Variants in CRACD observed in about 807,000 individuals in gnomAD.
CRACD encodes the protein capping protein inhibiting regulator of actin dynamics.
A neutral mutation model predicts 106.8 loss-of-function variants in CRACD; 56 were observed. The observed-to-expected ratio is 0.52, with a 90% CI of 0.42 to 0.66. The LOEUF (loss-of-function observed/expected upper bound fraction) is 0.66, where lower values mean the gene tolerates loss of function less well. Ranked by LOEUF, CRACD falls within the 30% of genes least tolerant of loss-of-function variation. The pLI, the probability that CRACD is intolerant of heterozygous loss-of-function variation, is 0.00. For missense variants in CRACD, 1,730 were observed against 1,623.2 expected (o/e 1.07, Z -1.13); for synonymous variants, 754 against 670.8 (o/e 1.12, Z -1.92).
At chr4:56,284,019 C>T (rs1039145417) in intron 3 of CRACD, among the ~76,000 whole-genome samples, 2 of 152,156 alleles carry the variant, frequency 1.3e-5, no homozygotes, top group African/African-American at 4.8e-5. Flanking sequence ...CTGCAGTGAC[C>T]TCCTGGAAAA....
At chr4:56,085,823 A>G (rs190850789) in intron 1 of CRACD, among the ~76,000 whole-genome samples, 122 of 152,298 alleles carry the variant, frequency 8.0e-4, no homozygotes, top group Admixed American at 3.1e-3. Flanking sequence ...ACTCTGATCA[A>G]TGTTCTGAGG....
intron 1 of CRACD, among the ~76,000 whole-genome samples, chr4:56,055,898 G>A (rs902026831): frequency 2.0e-5 from 3 of 152,186 alleles, no homozygotes; most frequent in Non-Finnish European, 4.4e-5. Context: ...CAGTGTGGGA[G>A]CAGCAGCATG....
At chr4:56,174,319 C>T (rs1736495511) in intron 1 of CRACD, among the ~76,000 whole-genome samples, 2 of 152,146 alleles carry the variant, frequency 1.3e-5, no homozygotes, top group Non-Finnish European at 2.9e-5. Flanking sequence ...AAATCCTGTC[C>T]TCCAGCTATT....
At chr4:56,183,814 G>A (rs1736962427) in intron 2 of CRACD, among the ~76,000 whole-genome samples, 1 of 152,130 alleles carries the variant, frequency 6.6e-6, no homozygotes, top group African/African-American at 2.4e-5. Flanking sequence ...AAAGGGGAAG[G>A]TGTCATGTGA....
chr4:56,180,454 A>G (rs960591565), intron 2 of CRACD, among the ~76,000 whole-genome samples: 2 of 151,964 alleles, frequency 1.3e-5, no homozygotes, highest in African/African-American at 2.4e-5. Flanking sequence ...TCACTGCTGC[A>G]CTCCAGCCTG....
chr4:56,239,032 C>G (rs1484628722), intron 2 of CRACD, among the ~76,000 whole-genome samples: 1 of 152,132 alleles, frequency 6.6e-6, no homozygotes, highest in African/African-American at 2.4e-5. Flanking sequence ...ATGGCTCATG[C>G]CTATAATCCC....
chr4:56,265,403 G>GTGTGTGT (rs1741951358), intron 2 of CRACD, among the ~76,000 whole-genome samples: 5 of 77,354 alleles, frequency 6.5e-5, no homozygotes, highest in African/African-American at 4.2e-5. Context: ...ATAGAGGAGG[G>GTGTGTGT]GTGTGTGTGT....
At chr4:56,063,882 A>G (rs896866156) in intron 1 of CRACD, among the ~76,000 whole-genome samples, 5 of 152,154 alleles carry the variant, frequency 3.3e-5, no homozygotes, top group Non-Finnish European at 7.3e-5. Flanking sequence ...TGCTGGATCA[A>G]ATTGTAATTT....
intron 2 of CRACD, among the ~76,000 whole-genome samples, 194 bp from the exon 3 acceptor site, chr4:56,272,127 C>T (rs541721128): frequency 1.3e-5 from 2 of 152,340 alleles, no homozygotes; most frequent in East Asian, 1.9e-4. Context: ...GGCTCGTGCT[C>T]TGCCTCCCTG....
At chr4:56,265,403 G>GGT (rs111811548) in intron 2 of CRACD, among the ~76,000 whole-genome samples, 168 of 77,434 alleles carry the variant, frequency 2.2e-3, no homozygotes, top group Middle Eastern at 0.019. Flanking sequence ...ATAGAGGAGG[G>GGT]GTGTGTGTGT....
At chr4:56,160,243 C>T (rs574843514) in intron 1 of CRACD, among the ~76,000 whole-genome samples, 345 of 147,900 alleles carry the variant, frequency 2.3e-3, no homozygotes, top group Non-Finnish European at 2.8e-3. Context: ...AGTGCAGTGG[C>T]GCGATCTCCA....
rs566707296 is a variant in CRACD, at chr4:56,305,879, A to T, written c.121-1656A>T. Among the ~76,000 whole-genome samples the T allele has an allele frequency of 9.8e-5, 15 of 152,364 alleles. 1 individual carries two copies. The highest frequency in any genetic ancestry group is 9.8e-4 in the Admixed American group (15 of 15,300). ...ACCGCTGAGTTCAAAGGGAGAGAAG[A>T]CATTTCCCTCAAGGGATTCTTGCGC... On this transcript the variant is annotated intron_variant, in intron 4 of 10. Transcript: ENST00000682029.
At chr4:56,326,638 G>A (rs184370463) in intron 10 of CRACD, among the ~76,000 whole-genome samples, 13 of 152,216 alleles carry the variant, frequency 8.5e-5, no homozygotes, top group African/African-American at 2.4e-4. Context: ...AAAGTGATAC[G>A]GTGCAAAGAA....
intron 2 of CRACD, among the ~76,000 whole-genome samples, chr4:56,195,461 G>T (rs1334760663): frequency 2.6e-5 from 4 of 152,088 alleles, no homozygotes; most frequent in African/African-American, 7.2e-5. Context: ...TGACATGAAG[G>T]TATTAAGACA....
rs1335744111 is a variant in CRACD at position 56,314,465 on chromosome 4, G to C, written c.963G>C (p.Arg321Ser). Residue 321 changes from arginine (R) to serine (S), a missense_variant, in exon 8 of 11, where the codon AGG becomes AGC. Arg to Ser is a moderately radical substitution (Grantham distance 110). Around this residue, in one of 5 missense-constraint regions of CRACD, gnomAD observed 1,620 missense variants for 1,481.6 expected, o/e 1.09. Transcript: ENST00000682029. This position sits in a 1 kb window ranked among gnomAD's most constrained non-coding sequence, Gnocchi z 4.4. ...GCCTGGAGGCGGAGGAGGAGCGAAG[G>C]CGTCTGCAGGCCCAGGCCCAAGCGG... ...RERLEAEEER[R>S]RLQAQAQAEE... 1 of 1,535,142 alleles carries C rather than the reference G, an allele frequency of 6.5e-7. No homozygotes were observed.
At chr4:56,324,029 C>G in intron 9 of CRACD, 75 bp from the exon 10 acceptor site, 1 of 1,497,022 alleles carries the variant, frequency 6.7e-7, no homozygotes, top group South Asian at 1.3e-5. Flanking sequence ...GCAGAGGCCC[C>G]GAAGGCCTGC....
At chr4:56,217,320 A>G (rs1273150012) in intron 2 of CRACD, among the ~76,000 whole-genome samples, 1 of 152,196 alleles carries the variant, frequency 6.6e-6, no homozygotes, top group Non-Finnish European at 1.5e-5. Context: ...GGTCCTGACA[A>G]CATTTGCCCA....
At chr4:56,107,453 C>G (rs1323963632) in intron 1 of CRACD, among the ~76,000 whole-genome samples, 1 of 152,154 alleles carries the variant, frequency 6.6e-6, no homozygotes, top group African/African-American at 2.4e-5. Context: ...ATTTTAGCTA[C>G]TATTAATCCT....
chr4:56,121,571 G>A (rs948060569), intron 1 of CRACD, among the ~76,000 whole-genome samples: 8 of 152,124 alleles, frequency 5.3e-5, no homozygotes, highest in Admixed American at 5.2e-4. Context: ...TTGAACCTGG[G>A]AGGTGGAGAG....
Sources: allele counts gnomAD v4.1 joint callset (sites outside exome capture counted in the v4.1 genomes callset), GRCh38; gene constraint gnomAD v4.1.1; regional missense constraint gnomAD v4.1.1; non-coding constraint Gnocchi (gnomAD v3.1); transcripts MANE v1.5; gene names NCBI Gene and HGNC (gene_info 2026-07-23, HGNC 2026-07-21).